DNAJC16: variants seen among roughly 807,000 people sequenced by gnomAD.
The protein encoded by DNAJC16 is dnaJ homolog subfamily C member 16.
In DNAJC16, 76 loss-of-function variants were observed where a neutral mutation model predicts 92.7. That is an observed-to-expected ratio of 0.82 (90% CI 0.68 to 0.99). DNAJC16 has a LOEUF of 0.99. DNAJC16 is among the 50% of genes least tolerant of loss of function. DNAJC16 has a pLI of 0.00. For synonymous variants in DNAJC16, 328 were observed against 358.7 expected, an observed-to-expected ratio of 0.91 and a Z score of 0.97; for missense variants, 869 against 942.4, an observed-to-expected ratio of 0.92 and a Z score of 1.02.
At chr1:15,542,632 C>A (rs1014401254) in intron 4 of DNAJC16, among the ~76,000 whole-genome samples, 1 of 152,214 alleles carries the variant, frequency 6.6e-6, no homozygotes, top group Admixed American at 6.5e-5. Context: ...CAGGACACAA[C>A]CTGGGACTTC....
At chr1:15,544,275 C>T in intron 4 of DNAJC16, 124 bp from the exon 5 acceptor site, 1 of 934,720 alleles carries the variant, frequency 1.1e-6, no homozygotes, top group South Asian at 2.0e-5. Flanking sequence ...GCTAGACAGT[C>T]TATTAGGAAA....
intron 1 of DNAJC16, 31 bp downstream of exon 1, chr1:15,526,989 C>G (rs1258689095): frequency 1.3e-5 from 2 of 152,370 alleles, no homozygotes; most frequent in Non-Finnish European, 2.9e-5. Flanking sequence ...CGCGCGGAAC[C>G]GCGGACGCGG....
intron 8 of DNAJC16, 130 bp downstream of exon 8, chr1:15,559,786 G>A (rs1023684926): frequency 1.8e-4 from 233 of 1,308,492 alleles, no homozygotes; most frequent in Non-Finnish European, 2.2e-4. Context: ...ATACTGGGCC[G>A]GGCATGGTGG....
At chr1:15,530,416 A>G (rs1408950404) in intron 2 of DNAJC16, among the ~76,000 whole-genome samples, 2 of 152,246 alleles carry the variant, frequency 1.3e-5, no homozygotes, top group African/African-American at 4.8e-5. Context: ...CAGGGTAGCA[A>G]TAAATCTAAA....
chr1:15,558,798 C>T (rs1420269641), intron 7 of DNAJC16, among the ~76,000 whole-genome samples: 2 of 152,126 alleles, frequency 1.3e-5, no homozygotes, highest in African/African-American at 4.8e-5. Flanking sequence ...GTTTTGTAAC[C>T]TGCCTTTTAT....
intron 10 of DNAJC16, 67 bp downstream of exon 10, chr1:15,564,178 A>C: frequency 2.5e-6 from 4 of 1,595,048 alleles, no homozygotes; most frequent in Non-Finnish European, 3.4e-6. Flanking sequence ...CTGGTGGCGG[A>C]TTTCTGCTCA....
intron 1 of DNAJC16, among the ~76,000 whole-genome samples, 164 bp downstream of exon 1, chr1:15,527,122 G>A (rs991311896): frequency 1.3e-5 from 2 of 151,954 alleles, no homozygotes; most frequent in Admixed American, 6.5e-5. Flanking sequence ...GGCGGGGGAG[G>A]GGGCTGTCTC....
Position 15,564,316 on chromosome 1 carries a change from G to T in DNAJC16, c.1555G>T (p.Asp519Tyr). ...FLLRWFYSAS[D>Y]YISDCWDSIF... Reference sequence around the variant, plus strand: ...CCTTCGATGGTTCTACTCTGCTTCTGACTACATCTCAGACTGCTGGGATAG... The same window carrying T: ...CCTTCGATGGTTCTACTCTGCTTCTTACTACATCTCAGACTGCTGGGATAG... The change falls in exon 11 of 15, where the codon GAC becomes TAC. Residue 519 changes from aspartate to tyrosine, a missense_variant. Transcript: ENST00000375847. 2 of 1,611,344 alleles carry T rather than the reference G, an allele frequency of 1.2e-6. No individual in the cohort carries two copies. The highest frequency in any genetic ancestry group is 2.2e-5 in the South Asian group (2 of 90,980).
At chr1:15,528,591 T>C (rs1710577944) in intron 1 of DNAJC16, among the ~76,000 whole-genome samples, 1 of 152,246 alleles carries the variant, frequency 6.6e-6, no homozygotes, top group African/African-American at 2.4e-5. Flanking sequence ...TTGTACTTAT[T>C]TAATGCCCAA....
chr1:15,560,875 C>T (rs1638675276), intron 8 of DNAJC16, among the ~76,000 whole-genome samples: 1 of 152,034 alleles, frequency 6.6e-6, no homozygotes. Flanking sequence ...CCATTCCACT[C>T]TTGTACCCTC....
chr1:15,551,893 T>C (rs1457136637), intron 7 of DNAJC16, among the ~76,000 whole-genome samples: 1 of 151,742 alleles, frequency 6.6e-6, no homozygotes, highest in Non-Finnish European at 1.5e-5. Context: ...AAGCCGGGTG[T>C]GGTGGCATGC....
rs769826990 is a variant in DNAJC16 at position 15,569,709 on chromosome 1, C to T, written c.*1532C>T. ...AGGCTGGAGTGAAATGGTGCGATCT[C>T]GGTTCACCGCAACCTCCACATCCCA... On this transcript the variant is annotated 3_prime_UTR_variant, in exon 15 of 15. Coordinates refer to ENST00000375847, the MANE Select transcript of DNAJC16 (RefSeq NM_015291.4). 3.3e-5 allele frequency: 5 copies of T among 149,806 alleles called. No individual in the cohort carries two copies. The highest frequency in any genetic ancestry group is 1.3e-4 in the Admixed American group (2 of 14,896). The allele number at this position is 149,806 out of a possible 1,614,324, so 9.3% of individuals were successfully genotyped here.
intron 9 of DNAJC16, 51 bp downstream of exon 9, chr1:15,562,376 C>T: frequency 6.6e-7 from 1 of 1,504,038 alleles, no homozygotes. Context: ...CCATGTGGCA[C>T]TTGATTCTGT....
chr1:15,560,831 C>A lies in DNAJC16; in HGVS notation c.1154+1175C>A, dbSNP rs563176885. Among the ~76,000 whole-genome samples the A allele has an allele frequency of 2.0e-5, 3 of 152,204 alleles. No individual in the cohort carries two copies. In the South Asian group the frequency reaches 6.3e-4, roughly 32 times the overall value. On this transcript the variant is annotated intron_variant, in intron 8 of 14. Coordinates refer to ENST00000375847, the MANE Select transcript of DNAJC16 (RefSeq NM_015291.4). ...AAGCCACCATCGTCTCCCAGCGAGA[C>A]CCCCCTGGCAGCCTTCTAACTAGTC...
chr1:15,549,776 C>T (rs552539058), intron 7 of DNAJC16, among the ~76,000 whole-genome samples: 3 of 148,942 alleles, frequency 2.0e-5, no homozygotes, highest in African/African-American at 7.5e-5. Flanking sequence ...ATCACGCCGC[C>T]CACTGCACTC....
chr1:15,534,353 C>A, intron 3 of DNAJC16, 50 bp downstream of exon 3: 1 of 1,582,604 alleles, frequency 6.3e-7, no homozygotes, highest in Non-Finnish European at 8.6e-7. Context: ...CAAAATATGC[C>A]TTAGGAGGTG....
intron 11 of DNAJC16, 78 bp from the exon 12 acceptor site, chr1:15,565,841 G>A: frequency 6.9e-7 from 1 of 1,453,656 alleles, no homozygotes; most frequent in Non-Finnish European, 9.6e-7. Flanking sequence ...TTTTTGGTTT[G>A]GGATTTTTAT....
At chr1:15,553,975 G>A (rs146187149) in intron 7 of DNAJC16, among the ~76,000 whole-genome samples, 1 of 152,054 alleles carries the variant, frequency 6.6e-6, no homozygotes, top group Non-Finnish European at 1.5e-5. Flanking sequence ...TGGTCGAGAC[G>A]GGCAGATCCT....
At chr1:15,562,962 C>A (rs1401238826) in intron 9 of DNAJC16, among the ~76,000 whole-genome samples, 1 of 149,438 alleles carries the variant, frequency 6.7e-6, no homozygotes, top group Non-Finnish European at 1.5e-5. Context: ...TTTTACAAAT[C>A]CTTAGGCCAC....
Sources: allele counts gnomAD v4.1 joint callset (sites outside exome capture counted in the v4.1 genomes callset), GRCh38; gene constraint gnomAD v4.1.1; transcripts MANE v1.5; gene names NCBI Gene and HGNC (gene_info 2026-07-23, HGNC 2026-07-21).